Variants in GSE1 observed in about 807,000 individuals in gnomAD.
GSE1 encodes Gse1 coiled-coil protein.
In GSE1, 32 loss-of-function variants were observed where a neutral mutation model predicts 112.6. The observed-to-expected ratio is 0.28, with a 90% confidence interval of 0.21 to 0.38. The LOEUF is 0.38. GSE1 is among the 10% of genes least tolerant of loss of function. The pLI is 1.00. For missense variants in GSE1, 2,348 were observed against 1,699.2 expected (o/e 1.38, Z -6.71); for synonymous variants, 1,115 against 735.6 (o/e 1.52, Z -8.35).
intron 2 of GSE1, among the ~76,000 whole-genome samples, chr16:85,385,557 C>A (rs951628702): frequency 1.2e-4 from 18 of 152,152 alleles, no homozygotes; most frequent in African/African-American, 4.3e-4. Flanking sequence ...TGAGGTGGAA[C>A]CCTGGTGGAG....
intron 2 of GSE1, among the ~76,000 whole-genome samples, chr16:85,362,809 T>C (rs2047109760): frequency 6.6e-6 from 1 of 151,766 alleles, no homozygotes; most frequent in Non-Finnish European, 1.5e-5. Context: ...TGTGAAACCG[T>C]TTCTGAAGTG....
At chr16:85,305,262 A>T (rs537788625) in intron 1 of GSE1, among the ~76,000 whole-genome samples, 2 of 152,184 alleles carry the variant, frequency 1.3e-5, no homozygotes, top group African/African-American at 4.8e-5. Context: ...ATCTCTGACG[A>T]TGGACCCTGG....
At chr16:85,646,194 A>T (rs2050854342) in intron 2 of GSE1, among the ~76,000 whole-genome samples, 1 of 147,092 alleles carries the variant, frequency 6.8e-6, no homozygotes, top group South Asian at 2.2e-4. Flanking sequence ...TGCTTCTACC[A>T]CGCTTCCTAT....
chr16:85,400,401 G>A (rs545546750), intron 2 of GSE1, among the ~76,000 whole-genome samples: 7 of 151,982 alleles, frequency 4.6e-5, no homozygotes, highest in African/African-American at 1.2e-4. Flanking sequence ...CTCTGTGGCC[G>A]TGTGTGTTGC....
At chr16:85,631,696 C>G (rs750397170) in intron 1 of GSE1, among the ~76,000 whole-genome samples, 1 of 152,240 alleles carries the variant, frequency 6.6e-6, no homozygotes, top group African/African-American at 2.4e-5. Context: ...ATGTCAGTTA[C>G]CCCATTATGC....
At chr16:85,315,945 G>A (rs1384298773) in intron 1 of GSE1, among the ~76,000 whole-genome samples, 1 of 152,202 alleles carries the variant, frequency 6.6e-6, no homozygotes, top group Non-Finnish European at 1.5e-5. Context: ...GGTGAAGGTG[G>A]GAGCAGGACC....
chr16:85,612,695 G>C (rs1315086699), upstream of GSE1, among the ~76,000 whole-genome samples: 1 of 150,528 alleles, frequency 6.6e-6, no homozygotes, highest in East Asian at 2.0e-4. Context: ...AATAAGGTCA[G>C]GCATGGGGGG....
rs1598662265 is a variant in GSE1 at position 85,661,889 on chromosome 16, C to T, written c.2260+124C>T. The stretch of plus-strand genomic sequence containing the variant: ...CTTTTTGCCTGGGGTAGTCCCAGGC[C>T]CCAGGTGGCAAGTGCACTGGCTTCT... On this transcript the variant is annotated intron_variant, in intron 9 of 15. Transcript: ENST00000253458. 4.1e-6 allele frequency: 4 copies of T among 973,524 alleles called. No homozygotes were observed. The East Asian group carries it at 1.1e-4, about 26-fold the overall frequency. The allele number at this position is 973,524 out of a possible 1,614,324, so 60.3% of individuals were successfully genotyped here.
chr16:85,520,997 C>T (rs1007084951), intron 2 of GSE1, among the ~76,000 whole-genome samples: 19 of 152,206 alleles, frequency 1.2e-4, no homozygotes, highest in Admixed American at 8.5e-4. Context: ...TGCTTGGGGC[C>T]GGAAAGTCTC....
intron 2 of GSE1, among the ~76,000 whole-genome samples, chr16:85,478,902 TC>T (rs1184041913): frequency 9.8e-5 from 7 of 71,378 alleles, no homozygotes; most frequent in African/African-American, 2.7e-4. Flanking sequence ...TTTCTTTCTT[TC>T]TTTCTTTCTT....
chr16:85,638,913 C>T (rs924660476), intron 2 of GSE1, among the ~76,000 whole-genome samples: 5 of 152,120 alleles, frequency 3.3e-5, no homozygotes, highest in African/African-American at 9.7e-5. Flanking sequence ...CTTCCTCTGT[C>T]CCAGTGGTGC....
At chr16:85,619,721 G>A (rs565132998) in intron 1 of GSE1, among the ~76,000 whole-genome samples, 2 of 152,124 alleles carry the variant, frequency 1.3e-5, no homozygotes, top group African/African-American at 4.8e-5. Context: ...TGGGCTGTGC[G>A]TCAGGCGTGG....
intron 2 of GSE1, among the ~76,000 whole-genome samples, chr16:85,444,125 C>T (rs1231866900): frequency 6.6e-6 from 1 of 151,798 alleles, no homozygotes; most frequent in African/African-American, 2.4e-5. Flanking sequence ...GATGGGACTA[C>T]AGGCACATGC....
Position 85,298,342 on chromosome 16 carries a change from A to ACCTTC in GSE1, c.2284-59120_2284-59119insCTTCC, listed in dbSNP as rs1454790494. Among the ~76,000 whole-genome samples the ACCTTC allele has an allele frequency of 2.6e-5, 4 of 152,252 alleles. No homozygotes were observed. The East Asian group carries it at 7.7e-4, about 29-fold the overall frequency. ...CGCTTTATCTCCACCTCCTTCTTAA[A>ACCTTC]CTGGCCACCTTCCTGAGTCACCCGC... On this transcript the variant is annotated intron_variant, in intron 1 of 2. Coordinates refer to the GSE1 transcript ENST00000637419.
intron 2 of GSE1, among the ~76,000 whole-genome samples, chr16:85,498,321 A>C (rs2051248690): frequency 6.6e-6 from 1 of 152,122 alleles, no homozygotes; most frequent in Non-Finnish European, 1.5e-5. Flanking sequence ...ATATACATCC[A>C]GACACACAGA....
chr16:85,268,833 C>T (rs1374932366), intron 1 of GSE1, among the ~76,000 whole-genome samples: 1 of 152,138 alleles, frequency 6.6e-6, no homozygotes, highest in Non-Finnish European at 1.5e-5. Flanking sequence ...GACTTTGGGA[C>T]CCCCGTGCTC....
intron 1 of GSE1, among the ~76,000 whole-genome samples, chr16:85,186,102 GA>G (rs2074695921): frequency 6.6e-6 from 1 of 152,322 alleles, no homozygotes; most frequent in South Asian, 2.1e-4. Context: ...CTAGGCTTGA[GA>G]AGATGCTGCC....
Position 85,651,695 on chromosome 16 carries a change from C to T in GSE1, c.427-2583C>T, listed in dbSNP as rs149645741. Among the ~76,000 whole-genome samples, 18 of 152,350 alleles carry T rather than the reference C, an allele frequency of 1.2e-4. No homozygotes were observed. In the East Asian group the frequency reaches 2.7e-3, roughly 23 times the overall value. ...TCTGTCCTCCAGCCCTCTTCTGACT[C>T]TGGCCACCCAAGGCTGGGTGATGAT... On this transcript the variant is annotated intron_variant, in intron 3 of 15. Transcript: ENST00000253458.
intron 2 of GSE1, among the ~76,000 whole-genome samples, chr16:85,512,228 G>T (rs8057435): frequency 6.6e-6 from 1 of 152,150 alleles, no homozygotes; most frequent in African/African-American, 2.4e-5. Context: ...CCCCCTCAAC[G>T]CCAAGCCTGG....
Sources: allele counts gnomAD v4.1 joint callset (sites outside exome capture counted in the v4.1 genomes callset), GRCh38; gene constraint gnomAD v4.1.1; transcripts MANE v1.5; gene names NCBI Gene and HGNC (gene_info 2026-07-23, HGNC 2026-07-21).